The following DNAH17 variants were observed in gnomAD, a reference collection of about 807,000 sequenced individuals.
DNAH17 encodes dynein axonemal heavy chain 17.
Under a neutral mutation model 485.6 loss-of-function variants are expected in DNAH17, and 376 were observed. The observed-to-expected ratio is 0.77, with a 90% CI of 0.71 to 0.84. DNAH17 has a LOEUF of 0.84. Ranked by LOEUF, DNAH17 falls within the 40% of genes least tolerant of loss-of-function variation. DNAH17 has a pLI of 0.00. For synonymous variants in DNAH17, 3,031 were observed against 2,405.9 expected (o/e 1.26, Z -7.60); for missense variants, 6,370 against 5,839.3 (o/e 1.09, Z -2.96).
At chr17:78,479,690 C>G (rs1301152662) in intron 49 of DNAH17, 58 bp from the exon 50 acceptor site, 3 of 1,600,322 alleles carry the variant, frequency 1.9e-6, no homozygotes, top group Non-Finnish European at 2.5e-6. Flanking sequence ...TGCCTGGGGC[C>G]AGGGCCACCT....
chr17:78,512,739 T>G (rs2090666698), intron 26 of DNAH17, among the ~76,000 whole-genome samples: 1 of 152,006 alleles, frequency 6.6e-6, no homozygotes, highest in African/African-American at 2.4e-5. Flanking sequence ...GTCAGGAGTT[T>G]GAGACCAGCT....
rs371615907 is a variant in DNAH17, at chr17:78,491,524, G to C, written c.6588C>G (p.Asp2196Glu). The part of the protein sequence containing the change: ...IMRDLANITH[D>E]GPKWIILDGD... ...CGTCAAGGATGATCCACTTGGGGCC[G>C]TCATGGGTGATGTTGGCCAGGTCTC... is the stretch of plus-strand genomic sequence containing the variant. The change falls in exon 43 of 81, where the codon GAC becomes GAG. Residue 2196 changes from aspartate to glutamate, a missense_variant. Physicochemically the swap from Asp to Glu is conservative, Grantham distance 45 (BLOSUM62 2). Transcript: ENST00000389840. 17 of 1,613,906 alleles carry C rather than the reference G, an allele frequency of 1.1e-5. No individual in the cohort carries two copies. The highest frequency in any genetic ancestry group is 1.4e-5 in the Non-Finnish European group (17 of 1,179,934).
Position 78,434,059 on chromosome 17 carries a change from C to A in DNAH17, c.12195G>T (p.Val4065=), listed in dbSNP as rs757052571. ...NNGDLTISIN[V]LYNYLEANPK... is the part of the protein sequence containing the mutation. ...GGTTGGCCTCCAGGTAGTTGTAGAG[C>A]ACGTTGATGGAGATGGTGAGGTCCC... The change falls in exon 75 of 81, where the codon GTG becomes GTT. Residue 4065 remains valine (V), a synonymous_variant. Transcript: ENST00000389840. The A allele has an allele frequency of 8.7e-6, 14 of 1,611,870 alleles. No homozygotes were observed. Among genetic ancestry groups the A allele is most frequent in the Non-Finnish European group, 1.1e-5 (13 of 1,178,890 alleles).
chr17:78,521,078 C>A (rs745338712), intron 25 of DNAH17, among the ~76,000 whole-genome samples: 8 of 152,142 alleles, frequency 5.3e-5, no homozygotes, highest in Non-Finnish European at 8.8e-5. Context: ...GTCTAAGGTG[C>A]CCAACTGACT....
chr17:78,445,131 G>A (rs933181376), intron 70 of DNAH17, among the ~76,000 whole-genome samples: 1 of 150,690 alleles, frequency 6.6e-6, no homozygotes, highest in Non-Finnish European at 1.5e-5. Flanking sequence ...CAGACCTTGA[G>A]ACTCGAGGGT....
intron 52 of DNAH17, among the ~76,000 whole-genome samples, chr17:78,476,158 G>T (rs78910860): frequency 6.6e-6 from 1 of 152,146 alleles, no homozygotes; most frequent in African/African-American, 2.4e-5. Flanking sequence ...ACAGAGGGAG[G>T]TGATCACACC....
chr17:78,479,090 A>G lies in DNAH17; in HGVS notation c.7927T>C (p.Phe2643Leu). The G allele has an allele frequency of 6.2e-7, 1 of 1,613,988 alleles. No individual in the cohort carries two copies. ...LALHQKITAT[F>L]LPTAIKFHYV... ...TGAAACTTAATGGCCGTGGGAAGAA[A>G]TGTTGCCGTGATTTTCTGATGCAAA... The change falls in exon 51 of 81, where the codon TTT becomes CTT. Residue 2643 changes from phenylalanine (F) to leucine (L), a missense_variant. Physicochemically the swap from Phe to Leu is conservative, Grantham distance 22. Transcript: ENST00000389840.
chr17:78,480,648 T>C (rs750585341), intron 49 of DNAH17, 36 bp downstream of exon 49: 2 of 1,567,482 alleles, frequency 1.3e-6, no homozygotes, highest in Non-Finnish European at 1.8e-6. Flanking sequence ...CTCAGACTCA[T>C]GGCAGGTGAC....
At chr17:78,460,033 G>C in intron 59 of DNAH17, 32 bp from the exon 60 acceptor site, 1 of 1,609,872 alleles carries the variant, frequency 6.2e-7, no homozygotes, top group East Asian at 2.2e-5. Flanking sequence ...GGTCCGATGG[G>C]AGTTTGGACC....
intron 41 of DNAH17, 26 bp downstream of exon 41, chr17:78,494,010 C>G: frequency 3.1e-6 from 5 of 1,603,620 alleles, no homozygotes; most frequent in Non-Finnish European, 4.3e-6. Flanking sequence ...CGGATCCCTG[C>G]AAGGTCCCTG....
At chr17:78,505,721 G>A (rs1475373635) in intron 30 of DNAH17, among the ~76,000 whole-genome samples, 2 of 152,228 alleles carry the variant, frequency 1.3e-5, no homozygotes, top group African/African-American at 4.8e-5. Context: ...GCTCACACCT[G>A]TAATCCCAGC....
In DNAH17 at chr17:78,529,688, A is replaced by G; in HGVS notation, c.3291T>C (p.Ala1097=). ...CGACTTTCATGAAGGCTTCCAGGTC[A>G]GCCAGGCTAAGGGACAAGGGGACCA... ...HLSNHVTNSL[A]DLEAFMKVAR... Residue 1097 remains alanine (A), a synonymous_variant, in exon 22 of 81, where the codon GCT becomes GCC. Coordinates refer to ENST00000389840, the MANE Select transcript of DNAH17 (RefSeq NM_173628.4). 1 of 1,613,898 alleles carries G rather than the reference A, an allele frequency of 6.2e-7. No homozygotes were observed. The highest frequency in any genetic ancestry group is 8.5e-7 in the Non-Finnish European group (1 of 1,179,816).
At chr17:78,513,130 T>C (rs2090680285) in intron 26 of DNAH17, among the ~76,000 whole-genome samples, 1 of 151,618 alleles carries the variant, frequency 6.6e-6, no homozygotes, top group Admixed American at 6.6e-5. Flanking sequence ...CATTCCAAAG[T>C]AAACCGGAAA....
intron 17 of DNAH17, among the ~76,000 whole-genome samples, chr17:78,541,824 TAAC>T (rs1436305689): frequency 6.6e-6 from 1 of 152,158 alleles, no homozygotes; most frequent in Non-Finnish European, 1.5e-5. Flanking sequence ...CTGAGAGTGT[TAAC>T]AAGCTAATCA....
intron 24 of DNAH17, 133 bp from the exon 25 acceptor site, chr17:78,525,294 G>T: frequency 7.5e-7 from 1 of 1,330,674 alleles, no homozygotes; most frequent in East Asian, 2.5e-5. Context: ...TCCATACAAC[G>T]GTGTCCCACC....
chr17:78,450,140 C>T lies in DNAH17; in HGVS notation c.11040+114G>A, dbSNP rs568181886. ...ATCTGCAGGCTGGACCAGGTCTGCC[C>T]TCTGAGGGTGGCCCTGGCACTGCCC... On this transcript the variant is annotated intron_variant, in intron 68 of 80. Coordinates refer to ENST00000389840, the MANE Select transcript of DNAH17 (RefSeq NM_173628.4). The T allele has an allele frequency of 1.2e-5, 16 of 1,324,380 alleles. No homozygotes were observed. In the Admixed American group the frequency reaches 2.3e-4, roughly 19 times the overall value. 82.0% of individuals were successfully genotyped at this position (1,324,380 alleles called of 1,614,324 possible). A position where few individuals can be genotyped will look rare whatever the true frequency, so the allele number is the denominator to read the frequency against.
chr17:78,544,029 G>A (rs1308466377), intron 16 of DNAH17, 32 bp from the exon 17 acceptor site: 9 of 1,613,126 alleles, frequency 5.6e-6, no homozygotes, highest in South Asian at 2.2e-5. Context: ...GAGAAAAGGT[G>A]TTCTGGAGAA....
chr17:78,502,046 C>T (rs970363541), intron 33 of DNAH17, 173 bp from the exon 34 acceptor site: 13 of 864,542 alleles, frequency 1.5e-5, no homozygotes, highest in Middle Eastern at 2.3e-4. Context: ...CACCAGGGTG[C>T]GGCCCTGATG....
intron 32 of DNAH17, 32 bp downstream of exon 32, chr17:78,502,854 G>C: frequency 6.2e-7 from 1 of 1,606,692 alleles, no homozygotes; most frequent in Non-Finnish European, 8.5e-7. Flanking sequence ...TCTCAGCCAC[G>C]AGGCGCCGCC....
Sources: gnomAD v4.1 joint callset for allele counts (sites outside exome capture counted in the v4.1 genomes callset) on GRCh38, gnomAD v4.1.1 for gene constraint, MANE v1.5 for transcripts, NCBI Gene and HGNC (gene_info 2026-07-23, HGNC 2026-07-21) for gene names.